Variants in FAM135A observed in about 807,000 individuals in gnomAD.
The protein encoded by FAM135A is protein FAM135A.
In FAM135A, 79 loss-of-function variants were observed where a neutral mutation model predicts 146.8. The ratio of observed to expected loss-of-function variants is 0.54; its 90% confidence interval spans 0.45 to 0.65. The LOEUF is 0.65. Ranked by LOEUF, FAM135A falls within the 30% of genes least tolerant of loss-of-function variation. The probability of loss-of-function intolerance (pLI) is 0.00; values close to 1 mark genes in which losing one functional copy is unlikely to be tolerated. For synonymous variants in FAM135A, 562 were observed against 603.6 expected (o/e 0.93, Z 1.01); for missense variants, 1,623 against 1,758.2 (o/e 0.92, Z 1.38).
chr6:70,459,083 G>A (rs1191952592), intron 5 of FAM135A, among the ~76,000 whole-genome samples: 2 of 151,970 alleles, frequency 1.3e-5, no homozygotes, highest in African/African-American at 2.4e-5. Context: ...TTTATCCTTT[G>A]TGTTAATTTT....
At chr6:70,465,266 T>C (rs1221534116) in intron 5 of FAM135A, among the ~76,000 whole-genome samples, 1 of 152,172 alleles carries the variant, frequency 6.6e-6, no homozygotes, top group Non-Finnish European at 1.5e-5. Context: ...TATCCATTAA[T>C]TTGTAGATAG....
rs781198008 is a variant in FAM135A, at chr6:70,482,079, C to G, written c.748C>G (p.Leu250Val). ...FHYTLCATLL[L>V]AFKGLHSYFI... ...TTATACACTTTGTGCCACTTTGCTG[C>G]TAGCCTTCAAGGGATTGCACAGCTA... The change falls in exon 10 of 22, where the codon CTA becomes GTA. Residue 250 changes from leucine (L) to valine (V), a missense_variant. This residue lies in a region of FAM135A where 206 missense variants were observed against 194.7 expected (regional missense o/e 1.06). Coordinates refer to ENST00000418814, the MANE Select transcript of FAM135A (RefSeq NM_001162529.3). 1 of 1,613,794 alleles carries G rather than the reference C, an allele frequency of 6.2e-7. No homozygotes were observed. Among genetic ancestry groups the G allele is most frequent in the East Asian group, 2.2e-5 (1 of 44,818 alleles).
At chr6:70,446,444 C>T (rs1042606168) in intron 4 of FAM135A, among the ~76,000 whole-genome samples, 1 of 152,154 alleles carries the variant, frequency 6.6e-6, no homozygotes, top group Non-Finnish European at 1.5e-5. Context: ...CTAAACATCC[C>T]CTTAGGGGAT....
chr6:70,445,998 A>C (rs1181474500), intron 4 of FAM135A, among the ~76,000 whole-genome samples: 1 of 152,254 alleles, frequency 6.6e-6, no homozygotes, highest in Non-Finnish European at 1.5e-5. Flanking sequence ...TTAAAAGCAC[A>C]ATCATCATTG....
At chr6:70,424,109 A>G (rs531468728) in intron 2 of FAM135A, among the ~76,000 whole-genome samples, 18 of 152,320 alleles carry the variant, frequency 1.2e-4, no homozygotes, top group African/African-American at 3.6e-4. Context: ...ATGAATGTCA[A>G]TATTCATTGC....
chr6:70,534,576 TG>T (rs930661215), intron 18 of FAM135A, among the ~76,000 whole-genome samples: 16 of 152,202 alleles, frequency 1.1e-4, no homozygotes, highest in African/African-American at 3.4e-4. Context: ...CCTCCCAAAG[TG>T]CTGGGATTAC....
chr6:70,504,980 T>C (rs1174488988), intron 12 of FAM135A: 1 of 151,252 alleles, frequency 6.6e-6, no homozygotes, highest in Non-Finnish European at 1.5e-5. Context: ...AAAAAGGTAG[T>C]GCAGAGTACT....
At chr6:70,416,113 ATG>A (rs1248687985) in intron 2 of FAM135A, among the ~76,000 whole-genome samples, 1 of 152,220 alleles carries the variant, frequency 6.6e-6, no homozygotes, top group Non-Finnish European at 1.5e-5. Context: ...GACTTTTCTA[ATG>A]TACTAGATAG....
chr6:70,516,530 CTTTT>C (rs1174927909), intron 12 of FAM135A, among the ~76,000 whole-genome samples: 3,470 of 84,766 alleles, frequency 0.041, 45 homozygotes, highest in African/African-American at 0.12. Context: ...ATTTTCTTTT[CTTTT>C]TTTTTTTTTT....
In FAM135A at chr6:70,560,110, G is replaced by T; in HGVS notation, c.*189G>T. 3 of 491,444 alleles carry T rather than the reference G, an allele frequency of 6.1e-6. No individual in the cohort carries two copies. The highest frequency in any genetic ancestry group is 7.3e-5 in the South Asian group (2 of 27,460). The allele number at this position is 491,444 out of a possible 1,614,324, so 30.4% of individuals were successfully genotyped here. A position where few individuals can be genotyped will look rare whatever the true frequency, so the allele number is the denominator to read the frequency against. On this transcript the variant is annotated 3_prime_UTR_variant, in exon 22 of 22. Transcript: ENST00000418814. ...TTTACTTTCTAGGTAATGTGGCTGTGCAATATTTTTTTAATTTTATCTTTT... is the reference window on the plus strand; with the variant it reads ...TTTACTTTCTAGGTAATGTGGCTGTTCAATATTTTTTTAATTTTATCTTTT...
intron 20 of FAM135A, among the ~76,000 whole-genome samples, chr6:70,546,499 TATC>T (rs1462257883): frequency 1.3e-5 from 2 of 152,226 alleles, no homozygotes; most frequent in African/African-American, 2.4e-5. Context: ...CTATGCAACA[TATC>T]ATTAGTTAAT....
At chr6:70,555,200 A>ATC (rs1800601163) in intron 20 of FAM135A, among the ~76,000 whole-genome samples, 1 of 152,214 alleles carries the variant, frequency 6.6e-6, no homozygotes, top group Admixed American at 6.5e-5. Context: ...TAAAGTGGGA[A>ATC]AAAGTCAAGT....
In FAM135A at chr6:70,536,355, C is replaced by T; in HGVS notation, c.4061C>T (p.Ser1354Phe). 6.2e-7 allele frequency: 1 copy of T among 1,613,512 alleles called. No individual in the cohort carries two copies. The highest frequency in any genetic ancestry group is 8.5e-7 in the Non-Finnish European group (1 of 1,179,708). The change falls in exon 19 of 22, where the codon TCT (serine) becomes TTT (phenylalanine). Residue 1354 changes from serine (S) to phenylalanine (F), a missense_variant. Transcript: ENST00000418814. Reference protein sequence around the residue: ...YYLNKLHTFLSLSGPHLGTLY... With the variant: ...YYLNKLHTFLFLSGPHLGTLY... ...CTCAACAAACTTCATACCTTTCTGT[C>T]TCTTTCTGGACCTCACCTTGGTACA...
intron 2 of FAM135A, among the ~76,000 whole-genome samples, chr6:70,426,138 A>G (rs1361804449): frequency 1.3e-5 from 2 of 151,964 alleles, no homozygotes; most frequent in Non-Finnish European, 2.9e-5. Context: ...CAAAAAAAAA[A>G]TTAATGAGCT....
chr6:70,428,034 A>T (rs1404184469), intron 3 of FAM135A, among the ~76,000 whole-genome samples: 1 of 152,210 alleles, frequency 6.6e-6, no homozygotes, highest in Non-Finnish European at 1.5e-5. Flanking sequence ...AATATGTTGT[A>T]TTATTTATTA....
chr6:70,477,131 C>A (rs755429277), intron 7 of FAM135A, 28 bp from the exon 8 acceptor site: 1 of 1,596,394 alleles, frequency 6.3e-7, no homozygotes. Context: ...ATGTTTCATA[C>A]TTACATGCTA....
In FAM135A at chr6:70,446,369, C is replaced by T. The variant is rs189803575; in HGVS notation, c.78-6123C>T. On this transcript the variant is annotated intron_variant, in intron 4 of 21. Coordinates refer to ENST00000418814, the MANE Select transcript of FAM135A (RefSeq NM_001162529.3). ...CTTCTTATCATTTCTACCATCTGAC[C>T]GTTTTGTTCAGACCATCTGAACATA... 4.6e-5 allele frequency among the ~76,000 whole-genome samples: 7 copies of T among 152,220 alleles called. No individual in the cohort carries two copies. The East Asian group carries it at 1.4e-3, about 29-fold the overall frequency.
At chr6:70,453,059 T>C (rs921759294) in intron 5 of FAM135A, among the ~76,000 whole-genome samples, 2 of 152,160 alleles carry the variant, frequency 1.3e-5, no homozygotes, top group Non-Finnish European at 2.9e-5. Flanking sequence ...TAGTTACTCA[T>C]ATTCTAAGGA....
Position 70,481,042 on chromosome 6 carries a change from T to C in FAM135A, c.669+15T>C. The C allele has an allele frequency of 6.4e-7, 1 of 1,556,164 alleles. No homozygotes were observed. Among genetic ancestry groups the C allele is most frequent in the Non-Finnish European group, 8.7e-7 (1 of 1,153,724 alleles). On this transcript the variant is annotated intron_variant, in intron 9 of 21. Transcript: ENST00000418814. ...TATCACCAGATGTAAGAACTGAATA[T>C]GTTTATAAATCTTCTCCTTATTTTA...
Sources: gnomAD v4.1 joint callset for allele counts (sites outside exome capture counted in the v4.1 genomes callset) on GRCh38, gnomAD v4.1.1 for gene constraint, gnomAD v4.1.1 regional missense constraint, MANE v1.5 for transcripts, NCBI Gene and HGNC (gene_info 2026-07-23, HGNC 2026-07-21) for gene names.